The following GLMN variants were observed in gnomAD, a reference collection of about 807,000 sequenced individuals.
The protein encoded by GLMN is glomulin, FKBP associated protein, also known as glomulin.
A neutral mutation model predicts 87.8 loss-of-function variants in GLMN; 75 were observed. The observed-to-expected ratio is 0.85, with a 90% CI of 0.71 to 1.04. GLMN has a LOEUF of 1.04. Among genes scored for constraint, GLMN ranks in the 50% least tolerant of loss-of-function variants. GLMN has a pLI of 0.00. For synonymous variants in GLMN, 206 were observed against 221.6 expected, an observed-to-expected ratio of 0.93 and a Z score of 0.63; for missense variants, 588 against 658.8, an observed-to-expected ratio of 0.89 and a Z score of 1.18.
intron 13 of GLMN, 148 bp downstream of exon 13, chr1:92,266,271 C>A (rs973271044): frequency 1.5e-6 from 1 of 685,460 alleles, no homozygotes; most frequent in African/African-American, 1.8e-5. Flanking sequence ...TTTCTCTAGC[C>A]ATCACTGAGA....
the GLMN span, among the ~76,000 whole-genome samples, chr1:92,312,499 T>C: frequency 6.6e-6 from 1 of 152,198 alleles, no homozygotes; most frequent in Non-Finnish European, 1.5e-5. Context: ...TTCTAAATCT[T>C]GTGTTACCAT....
intron 11 of GLMN, among the ~76,000 whole-genome samples, chr1:92,267,513 C>T (rs1655772807): frequency 6.6e-6 from 1 of 151,820 alleles, no homozygotes; most frequent in South Asian, 2.1e-4. Context: ...ACCATCCTGG[C>T]TAACACAGTG....
chr1:92,288,311 C>T (rs1184580349), intron 6 of GLMN, among the ~76,000 whole-genome samples: 2 of 152,174 alleles, frequency 1.3e-5, no homozygotes, highest in Non-Finnish European at 2.9e-5. Context: ...ATTTCCCACA[C>T]TCACCCTGAG....
At chr1:92,305,567 G>T in the GLMN span, among the ~76,000 whole-genome samples, 3 of 150,474 alleles carry the variant, frequency 2.0e-5, no homozygotes, top group Admixed American at 6.6e-5. Context: ...TAAAACTTTT[G>T]TTCATCAGAA....
Position 92,298,933 on chromosome 1 carries a change from A to G in GLMN, c.-39T>C. ...TCCACAACTCCACTTACCGGCCAGAACCCTCGCCTCTCCCAGCCGCCGCCA... is the reference window on the plus strand; with the variant it reads ...TCCACAACTCCACTTACCGGCCAGAGCCCTCGCCTCTCCCAGCCGCCGCCA... On this transcript the variant is annotated 5_prime_UTR_variant, in exon 1 of 19. Coordinates refer to ENST00000370360, the MANE Select transcript of GLMN (RefSeq NM_053274.3). 1 of 483,154 alleles carries G rather than the reference A, an allele frequency of 2.1e-6. No homozygotes were observed. The highest frequency in any genetic ancestry group is 3.4e-5 in the East Asian group (1 of 29,072). The allele number at this position is 483,154 out of a possible 1,614,324, so 29.9% of individuals were successfully genotyped here.
At chr1:92,347,659 A>G in the GLMN span, among the ~76,000 whole-genome samples, 2 of 152,238 alleles carry the variant, frequency 1.3e-5, no homozygotes, top group African/African-American at 4.8e-5. Flanking sequence ...TTAAAATTTC[A>G]TATGATTATT....
chr1:92,313,787 G>A, the GLMN span, among the ~76,000 whole-genome samples: 3 of 152,216 alleles, frequency 2.0e-5, no homozygotes, highest in South Asian at 2.1e-4. Context: ...TTTGTTTAGT[G>A]TAGCTATCTT....
chr1:92,360,073 G>A, the GLMN span, among the ~76,000 whole-genome samples: 2 of 152,204 alleles, frequency 1.3e-5, no homozygotes, highest in African/African-American at 4.8e-5. Context: ...CAAGGTCAGA[G>A]CTAAGATTCA....
At chr1:92,266,095 T>A (rs1039224841) in intron 13 of GLMN, among the ~76,000 whole-genome samples, 3 of 152,190 alleles carry the variant, frequency 2.0e-5, no homozygotes, top group African/African-American at 7.2e-5. Context: ...TAATGGAGAT[T>A]AGTGACATAC....
chr1:92,320,066 G>A, the GLMN span, among the ~76,000 whole-genome samples: 2 of 152,046 alleles, frequency 1.3e-5, no homozygotes, highest in African/African-American at 4.8e-5. Context: ...GGCCATAAAG[G>A]AGTTCATGAT....
chr1:92,305,432 C>CA, the GLMN span, among the ~76,000 whole-genome samples: 22,811 of 52,568 alleles, frequency 0.43, 5,947 homozygotes, highest in Non-Finnish European at 0.49. Flanking sequence ...GGCTCCGTCT[C>CA]AAAAAAAAAA....
chr1:92,369,285 GTTTGT>G, the GLMN span, among the ~76,000 whole-genome samples: 1 of 152,058 alleles, frequency 6.6e-6, no homozygotes, highest in Non-Finnish European at 1.5e-5. Context: ...GGTTTTGCTT[GTTTGT>G]TTTGTTTATG....
intron 7 of GLMN, among the ~76,000 whole-genome samples, chr1:92,279,713 G>GTT (rs1647757873): frequency 6.6e-6 from 1 of 152,184 alleles, no homozygotes; most frequent in South Asian, 2.1e-4. Flanking sequence ...AAGGGAAGCC[G>GTT]TGACAGACTG....
chr1:92,357,018 A>G, the GLMN span, among the ~76,000 whole-genome samples: 12 of 151,568 alleles, frequency 7.9e-5, no homozygotes, highest in African/African-American at 2.9e-4. Context: ...GTGAGCTGAG[A>G]TTGTGTCACT....
chr1:92,341,031 CAG>C, the GLMN span, among the ~76,000 whole-genome samples: 15 of 152,052 alleles, frequency 9.9e-5, no homozygotes, highest in Non-Finnish European at 1.9e-4. Context: ...ATTTTTGAGA[CAG>C]AGTCTCACTC....
the GLMN span, chr1:92,323,942 T>A: frequency 1.2e-6 from 2 of 1,614,170 alleles, no homozygotes; most frequent in East Asian, 4.5e-5. Context: ...AAGAGAAAAT[T>A]TGCCAAATCA....
chr1:92,304,150 GAAAT>G, the GLMN span: 13 of 1,285,098 alleles, frequency 1.0e-5, no homozygotes, highest in Non-Finnish European at 2.2e-6. Context: ...GTAAGAATAA[GAAAT>G]AAAACCTAAG....
At chr1:92,301,487 T>C, upstream of GLMN, 2 of 1,576,888 alleles carry the variant, frequency 1.3e-6, no homozygotes. Context: ...AAAGCTGAAC[T>C]AGAAGCAGCT....
At chr1:92,319,967 C>A in the GLMN span, among the ~76,000 whole-genome samples, 5 of 148,576 alleles carry the variant, frequency 3.4e-5, no homozygotes, top group Admixed American at 6.8e-5. Flanking sequence ...CATTGCACTC[C>A]AGCCTGGGCA....
Sources: gnomAD v4.1 joint callset for allele counts (sites outside exome capture counted in the v4.1 genomes callset) on GRCh38, gnomAD v4.1.1 for gene constraint, MANE v1.5 for transcripts, NCBI Gene and HGNC (gene_info 2026-07-23, HGNC 2026-07-21) for gene names.